Variants in NAA11 observed in about 807,000 individuals in gnomAD.
NAA11 encodes N-alpha-acetyltransferase 11.
Under a neutral mutation model 16.1 loss-of-function variants are expected in NAA11, and 15 were observed. The ratio of observed to expected loss-of-function variants is 0.93; its 90% CI spans 0.62 to 1.44. NAA11 has a LOEUF of 1.44. Ranked by LOEUF, NAA11 falls within the 40% of genes most tolerant of loss-of-function variation. The pLI is 0.00. For missense variants in NAA11, 298 were observed against 291.3 expected, an observed-to-expected ratio of 1.02 and a Z score of -0.17; for synonymous variants, 122 against 112.4, an observed-to-expected ratio of 1.09 and a Z score of -0.54.
At chr4:79,202,821 T>C in the NAA11 span, among the ~76,000 whole-genome samples, 1 of 150,728 alleles carries the variant, frequency 6.6e-6, no homozygotes, top group Non-Finnish European at 1.5e-5. Context: ...AGATTTTTAT[T>C]AGAGCCGTAC....
chr4:79,239,056 G>A (rs1469904626), intron 2 of NAA11, among the ~76,000 whole-genome samples: 1 of 152,158 alleles, frequency 6.6e-6, no homozygotes, highest in Non-Finnish European at 1.5e-5. Flanking sequence ...ATATCACTCT[G>A]AGAAAGATTG....
At chr4:79,293,687 CTAA>C (rs1723143059) in intron 2 of NAA11, among the ~76,000 whole-genome samples, 1 of 152,162 alleles carries the variant, frequency 6.6e-6, no homozygotes, top group Non-Finnish European at 1.5e-5. Context: ...TAAACTCAAT[CTAA>C]TGAGAATATG....
intron 2 of NAA11, among the ~76,000 whole-genome samples, chr4:79,226,844 T>C (rs1721328846): frequency 6.6e-6 from 1 of 152,032 alleles, no homozygotes; most frequent in African/African-American, 2.4e-5. Flanking sequence ...GACATTTGGG[T>C]TGGTTCCAAG....
chr4:79,229,124 A>G (rs1262685688), intron 2 of NAA11, among the ~76,000 whole-genome samples: 2 of 152,000 alleles, frequency 1.3e-5, no homozygotes, highest in African/African-American at 2.4e-5. Context: ...TGTTATATGT[A>G]AGAAATCTTT....
At chr4:79,156,237 G>T in the NAA11 span, among the ~76,000 whole-genome samples, 1 of 152,042 alleles carries the variant, frequency 6.6e-6, no homozygotes, top group Non-Finnish European at 1.5e-5. Context: ...AATTGGTGGA[G>T]ATGTCAAAAA....
chr4:79,307,063 G>A (rs1005849503), intron 1 of NAA11: 2 of 152,218 alleles, frequency 1.3e-5, no homozygotes, highest in Non-Finnish European at 2.9e-5. Context: ...CTTCCATGCA[G>A]ATAAATCCCA....
the NAA11 span, among the ~76,000 whole-genome samples, chr4:79,157,554 CAT>C: frequency 1.3e-5 from 2 of 150,962 alleles, no homozygotes; most frequent in Non-Finnish European, 2.9e-5. Flanking sequence ...CACATGTACA[CAT>C]ATGTATATGT....
At chr4:79,164,420 C>T in the NAA11 span, among the ~76,000 whole-genome samples, 152 of 152,304 alleles carry the variant, frequency 1.0e-3, no homozygotes, top group African/African-American at 3.4e-3. Flanking sequence ...GTGTCTTGAG[C>T]AGACAAACAT....
the NAA11 span, among the ~76,000 whole-genome samples, chr4:79,194,200 T>G: frequency 7.4e-5 from 2 of 27,154 alleles, no homozygotes; most frequent in Non-Finnish European, 2.2e-4. Context: ...TTTTCCTAAT[T>G]GAATACTGTC....
chr4:79,232,488 T>C (rs917695557), intron 2 of NAA11, among the ~76,000 whole-genome samples: 2 of 151,934 alleles, frequency 1.3e-5, no homozygotes, highest in Non-Finnish European at 2.9e-5. Flanking sequence ...TTCATCCACA[T>C]GTTAAAAACA....
intron 2 of NAA11, among the ~76,000 whole-genome samples, chr4:79,253,970 T>G (rs994314086): frequency 1.3e-5 from 2 of 152,300 alleles, no homozygotes. Flanking sequence ...CAGATTCCCT[T>G]TTTTAAGACA....
chr4:79,314,263 T>C (rs1424579726), downstream of NAA11, among the ~76,000 whole-genome samples: 1 of 152,212 alleles, frequency 6.6e-6, no homozygotes, highest in Non-Finnish European at 1.5e-5. Flanking sequence ...TGTTTTATAA[T>C]AAACAAAATT....
At chr4:79,320,982 T>C (rs1163277788) in intron 1 of NAA11, among the ~76,000 whole-genome samples, 1 of 152,204 alleles carries the variant, frequency 6.6e-6, no homozygotes, top group Non-Finnish European at 1.5e-5. Context: ...TTAAATGGGA[T>C]GCAAGTGAAG....
chr4:79,314,572 C>G (rs1723872430), downstream of NAA11, among the ~76,000 whole-genome samples: 1 of 142,838 alleles, frequency 7.0e-6, no homozygotes, highest in Admixed American at 7.3e-5. Flanking sequence ...GCTAGAAATT[C>G]TTATCCCCGG....
At chr4:79,175,784 T>C in the NAA11 span, among the ~76,000 whole-genome samples, 1 of 151,814 alleles carries the variant, frequency 6.6e-6, no homozygotes, top group Non-Finnish European at 1.5e-5. Context: ...TCCAGTGTTA[T>C]TCTTCTCTCT....
chr4:79,323,993 ACT>A (rs1216168217), intron 1 of NAA11, among the ~76,000 whole-genome samples: 8 of 135,718 alleles, frequency 5.9e-5, no homozygotes, highest in South Asian at 2.6e-4. Context: ...ACAGAACGAG[ACT>A]CTGTCTCAAA....
chr4:79,207,490 A>G, the NAA11 span, among the ~76,000 whole-genome samples: 4 of 152,048 alleles, frequency 2.6e-5, no homozygotes, highest in Admixed American at 1.3e-4. Context: ...ATGCAAGCAC[A>G]CAGCAAGAAG....
chr4:79,270,200 T>A (rs1437626695), intron 2 of NAA11, among the ~76,000 whole-genome samples: 2 of 151,354 alleles, frequency 1.3e-5, no homozygotes, highest in East Asian at 3.9e-4. Context: ...CTTTTTTGGT[T>A]CCATATGAAC....
intron 2 of NAA11, among the ~76,000 whole-genome samples, chr4:79,240,804 A>G (rs1312971765): frequency 6.6e-6 from 1 of 152,174 alleles, no homozygotes; most frequent in Non-Finnish European, 1.5e-5. Flanking sequence ...CCATGTTTGA[A>G]ATATGGTAGA....
Sources: gnomAD v4.1 joint callset for allele counts (sites outside exome capture counted in the v4.1 genomes callset) on GRCh38, gnomAD v4.1.1 for gene constraint, MANE v1.5 for transcripts, NCBI Gene and HGNC (gene_info 2026-07-23, HGNC 2026-07-21) for gene names.